The following OCA2 variants were observed in gnomAD, a reference collection of about 807,000 sequenced individuals.
The protein encoded by OCA2 is OCA2 melanosomal transmembrane protein.
In OCA2, 77 loss-of-function variants were observed where a neutral mutation model predicts 100.2. That is an observed-to-expected ratio of 0.77 (90% CI 0.64 to 0.93). The LOEUF is 0.93. OCA2 is among the 40% of genes least tolerant of loss of function. OCA2 has a pLI of 0.00. For synonymous variants in OCA2, 432 were observed against 439.2 expected (o/e 0.98, Z 0.21); for missense variants, 1,062 against 1,089.1 (o/e 0.98, Z 0.35).
intron 18 of OCA2, among the ~76,000 whole-genome samples, chr15:27,930,325 T>G (rs2039202104): frequency 6.6e-6 from 1 of 152,174 alleles, no homozygotes; most frequent in African/African-American, 2.4e-5. Flanking sequence ...AGGAATGAAT[T>G]ATTGATGTAT....
At chr15:27,963,191 G>A (rs999343595) in intron 15 of OCA2, among the ~76,000 whole-genome samples, 6 of 152,086 alleles carry the variant, frequency 3.9e-5, no homozygotes, top group East Asian at 1.9e-4. Context: ...CCTTAGACAC[G>A]TCTGTATCCA....
At chr15:27,725,753 T>C in the OCA2 span, among the ~76,000 whole-genome samples, 1 of 152,156 alleles carries the variant, frequency 6.6e-6, no homozygotes, top group Non-Finnish European at 1.5e-5. Flanking sequence ...GTCTTCCTTC[T>C]CTTAGGTTTT....
chr15:27,988,445 T>C (rs2041434058), intron 11 of OCA2, among the ~76,000 whole-genome samples: 1 of 152,094 alleles, frequency 6.6e-6, no homozygotes, highest in African/African-American at 2.4e-5. Flanking sequence ...CCTCATTCAG[T>C]GTGACTGATG....
intron 23 of OCA2, among the ~76,000 whole-genome samples, chr15:27,801,771 C>A (rs2033626040): frequency 6.6e-6 from 1 of 151,962 alleles, no homozygotes; most frequent in South Asian, 2.1e-4. Context: ...CAGGAATAAA[C>A]AAGCAATTTC....
intron 11 of OCA2, among the ~76,000 whole-genome samples, chr15:27,987,585 TG>T (rs1307431374): frequency 6.8e-6 from 1 of 147,876 alleles, no homozygotes; most frequent in African/African-American, 2.5e-5. Context: ...AAAAATTAGC[TG>T]GGTGGGGTGG....
At chr15:27,780,754 A>G (rs2032496943) in intron 23 of OCA2, among the ~76,000 whole-genome samples, 2 of 152,180 alleles carry the variant, frequency 1.3e-5, no homozygotes, top group African/African-American at 4.8e-5. Flanking sequence ...TTAAACAACC[A>G]GTGTTCTGAG....
chr15:27,944,183 C>A (rs1447120512), intron 18 of OCA2, among the ~76,000 whole-genome samples: 1 of 152,136 alleles, frequency 6.6e-6, no homozygotes, highest in Non-Finnish European at 1.5e-5. Context: ...TCCTTGCTGG[C>A]CCTAATGTGA....
At chr15:28,085,321 G>A (rs948144782) in intron 1 of OCA2, among the ~76,000 whole-genome samples, 1 of 152,060 alleles carries the variant, frequency 6.6e-6, no homozygotes, top group African/African-American at 2.4e-5. Flanking sequence ...GCCTGAATCA[G>A]CCGGGGTCCA....
At chr15:28,003,198 A>C (rs1411445518) in intron 9 of OCA2, among the ~76,000 whole-genome samples, 1 of 152,248 alleles carries the variant, frequency 6.6e-6, no homozygotes, top group Non-Finnish European at 1.5e-5. Context: ...TATATGGAAA[A>C]GCTTTCTGCT....
rs2041824032 is a variant in OCA2 at position 27,998,562 on chromosome 15, A to T, written c.1045-7915T>A. Among the ~76,000 whole-genome samples the T allele has an allele frequency of 3.4e-5, 5 of 149,040 alleles. No homozygotes were observed. In the South Asian group the frequency reaches 1.1e-3, roughly 32 times the overall value. On this transcript the variant is annotated intron_variant, in intron 9 of 23. Transcript: ENST00000354638. ...AGTCAAGAAACAACAGGTGCTGGAG[A>T]GGATGTGGAGAAATAGGAACACTTT...
intron 23 of OCA2, among the ~76,000 whole-genome samples, chr15:27,839,166 T>C (rs1041871612): frequency 4.6e-5 from 7 of 152,088 alleles, no homozygotes; most frequent in East Asian, 1.9e-4. Flanking sequence ...AAACAAGGTA[T>C]AAAAGACTAC....
chr15:27,942,638 A>G (rs903275938), intron 18 of OCA2, among the ~76,000 whole-genome samples: 3 of 152,116 alleles, frequency 2.0e-5, no homozygotes, highest in African/African-American at 7.2e-5. Context: ...TGAATGATAT[A>G]ATTTTGCAAG....
intron 19 of OCA2, among the ~76,000 whole-genome samples, chr15:27,914,744 T>C (rs1388396628): frequency 6.6e-6 from 1 of 152,138 alleles, no homozygotes; most frequent in African/African-American, 2.4e-5. Context: ...CTTTCCATGC[T>C]CATGGATAAG....
chr15:27,726,011 A>G, the OCA2 span, among the ~76,000 whole-genome samples: 1 of 151,758 alleles, frequency 6.6e-6, no homozygotes, highest in Non-Finnish European at 1.5e-5. Flanking sequence ...GATAATAAAT[A>G]GTTGGCTGGG....
chr15:27,937,323 T>A (rs2039492228), intron 18 of OCA2, among the ~76,000 whole-genome samples: 1 of 152,220 alleles, frequency 6.6e-6, no homozygotes, highest in Non-Finnish European at 1.5e-5. Context: ...ATATTTGAGT[T>A]GTTTCCAGTT....
At chr15:27,765,474 T>C (rs539306341) in intron 23 of OCA2, among the ~76,000 whole-genome samples, 4 of 152,216 alleles carry the variant, frequency 2.6e-5, no homozygotes, top group African/African-American at 4.8e-5. Context: ...CTCAAGCACC[T>C]GGACCCATTT....
At chr15:27,834,792 G>C (rs1027656735) in intron 23 of OCA2, among the ~76,000 whole-genome samples, 1 of 152,214 alleles carries the variant, frequency 6.6e-6, no homozygotes, top group Admixed American at 6.5e-5. Context: ...ATGGTAACTA[G>C]TGGCTCCTGT....
At chr15:28,094,936 C>G (rs1321134560) in intron 1 of OCA2, among the ~76,000 whole-genome samples, 1 of 152,236 alleles carries the variant, frequency 6.6e-6, no homozygotes, top group Non-Finnish European at 1.5e-5. Context: ...GTCCTGACAC[C>G]TGCCCTGCCG....
At chr15:27,829,319 T>TTAGATAGATAGATAGAGC (rs2034863789) in intron 23 of OCA2, among the ~76,000 whole-genome samples, 1 of 54,096 alleles carries the variant, frequency 1.8e-5, no homozygotes, top group Non-Finnish European at 4.8e-5. Flanking sequence ...ATAGATAGAG[T>TTAGATAGATAGATAGAGC]GATCAGAACA....
Sources: gnomAD v4.1 joint callset for allele counts (sites outside exome capture counted in the v4.1 genomes callset) on GRCh38, gnomAD v4.1.1 for gene constraint, MANE v1.5 for transcripts, NCBI Gene and HGNC (gene_info 2026-07-23, HGNC 2026-07-21) for gene names.